The following EFR3A variants were observed in gnomAD, a reference collection of about 807,000 sequenced individuals.
EFR3A encodes protein EFR3 homolog A.
EFR3A carries 76 observed loss-of-function variants against 104.4 expected under a neutral mutation model. That is an observed-to-expected ratio of 0.73 (90% CI 0.60 to 0.88). The LOEUF is 0.88. Ranked by LOEUF, EFR3A falls within the 40% of genes least tolerant of loss-of-function variation. The pLI, the probability that EFR3A is intolerant of heterozygous loss-of-function variation, is 0.00. For synonymous variants in EFR3A, 330 were observed against 330.0 expected (o/e 1.00, Z 0.00); for missense variants, 985 against 1,012.5 (o/e 0.97, Z 0.37).
At chr8:131,942,936 A>G (rs908497074) in intron 2 of EFR3A, among the ~76,000 whole-genome samples, 1 of 152,134 alleles carries the variant, frequency 6.6e-6, no homozygotes, top group Non-Finnish European at 1.5e-5. Context: ...ATAGTGATAA[A>G]AAGCAGAGCA....
intron 15 of EFR3A, 70 bp downstream of exon 15, chr8:131,984,370 C>A: frequency 2.2e-6 from 3 of 1,364,178 alleles, no homozygotes; most frequent in Non-Finnish European, 2.9e-6. Context: ...GAAATGTTGC[C>A]GTTATCCAAG....
chr8:131,946,050 T>A (rs1004401670), intron 3 of EFR3A, among the ~76,000 whole-genome samples: 2 of 152,066 alleles, frequency 1.3e-5, no homozygotes, highest in East Asian at 1.9e-4. Flanking sequence ...ATGAGATTTT[T>A]AAAATAATAT....
chr8:131,950,366 AATCCTGCC>A (rs766589830), intron 5 of EFR3A, among the ~76,000 whole-genome samples: 2 of 152,038 alleles, frequency 1.3e-5, no homozygotes, highest in Non-Finnish European at 2.9e-5. Context: ...CCTTCACTCT[AATCCTGCC>A]ATGTGGATCT....
intron 5 of EFR3A, among the ~76,000 whole-genome samples, chr8:131,952,958 A>G (rs1818781393): frequency 6.6e-6 from 1 of 152,212 alleles, no homozygotes; most frequent in African/African-American, 2.4e-5. Context: ...TAGCAGAAAG[A>G]AAGGAAGTAA....
At chr8:131,961,823 C>T (rs1819355463) in intron 8 of EFR3A, among the ~76,000 whole-genome samples, 3 of 152,202 alleles carry the variant, frequency 2.0e-5, no homozygotes, top group Admixed American at 2.0e-4. Flanking sequence ...GGTCGGGTTA[C>T]CCACAAAGGG....
intron 10 of EFR3A, among the ~76,000 whole-genome samples, chr8:131,975,573 C>T (rs1347560723): frequency 1.3e-5 from 2 of 151,930 alleles, no homozygotes; most frequent in Admixed American, 6.6e-5. Context: ...TGTGCCACCA[C>T]GCCCAGCTAA....
At chr8:131,917,420 G>T (rs1816793474) in intron 1 of EFR3A, among the ~76,000 whole-genome samples, 1 of 152,198 alleles carries the variant, frequency 6.6e-6, no homozygotes, top group African/African-American at 2.4e-5. Context: ...CTGTCCTGAT[G>T]GAGTACAGCA....
At position 131,955,888 on chromosome 8, in the gene EFR3A, T is replaced by C. The variant is rs928212562; in HGVS notation, c.759T>C (p.Ala253=). The change falls in exon 7 of 23, where the codon GCT becomes GCC. Residue 253 remains alanine (A), a synonymous_variant. Coordinates refer to ENST00000254624, the MANE Select transcript of EFR3A (RefSeq NM_015137.6). ...CAACTTTTGGGAATATGAATAATGC[T>C]GTTAGACCAGTTTTTGCGTAAGTAG... ...GRATFGNMNN[A]VRPVFAHLDH... 6.2e-7 allele frequency: 1 copy of C among 1,613,016 alleles called. No individual in the cohort carries two copies. The highest frequency in any genetic ancestry group is 1.3e-5 in the African/African-American group (1 of 75,008).
At chr8:131,954,236 A>G (rs985219984) in intron 6 of EFR3A, among the ~76,000 whole-genome samples, 2 of 152,144 alleles carry the variant, frequency 1.3e-5, no homozygotes, top group Non-Finnish European at 2.9e-5. Flanking sequence ...ACTATTGAAT[A>G]TCCAAATTGC....
intron 1 of EFR3A, among the ~76,000 whole-genome samples, chr8:131,929,736 A>G (rs1041750187): frequency 2.6e-5 from 4 of 152,138 alleles, no homozygotes; most frequent in Non-Finnish European, 4.4e-5. Context: ...CCATTTATGT[A>G]TATTTCTGAG....
intron 14 of EFR3A, among the ~76,000 whole-genome samples, chr8:131,981,197 A>G (rs1820595625): frequency 6.6e-6 from 1 of 152,016 alleles, no homozygotes. Context: ...AATGACATTA[A>G]ACAGTCATGA....
chr8:131,941,190 C>G (rs1818155331), intron 2 of EFR3A, among the ~76,000 whole-genome samples: 1 of 151,936 alleles, frequency 6.6e-6, no homozygotes, highest in African/African-American at 2.4e-5. Flanking sequence ...CAGAGTTTTT[C>G]TTTTTACTTA....
chr8:131,922,142 T>C (rs541762485), intron 1 of EFR3A, among the ~76,000 whole-genome samples: 1 of 152,272 alleles, frequency 6.6e-6, no homozygotes, highest in Non-Finnish European at 1.5e-5. Flanking sequence ...TCCAATCTCT[T>C]CCGCTGTCTT....
At chr8:131,978,115 C>A (rs535585556) in intron 12 of EFR3A, among the ~76,000 whole-genome samples, 114 of 152,214 alleles carry the variant, frequency 7.5e-4, no homozygotes, top group African/African-American at 2.5e-3. Context: ...GTATTCCATA[C>A]ATGTTTATAA....
At position 131,904,362 on chromosome 8, in the gene EFR3A, C is replaced by T. The variant is rs1466385617; in HGVS notation, c.10+40C>T. 11 of 1,244,906 alleles carry T rather than the reference C, an allele frequency of 8.8e-6. No individual in the cohort carries two copies. In the East Asian group the frequency reaches 3.2e-4, roughly 36 times the overall value. The allele number at this position is 1,244,906 out of a possible 1,614,324, so 77.1% of individuals were successfully genotyped here. ...GAGGGCCGGGGGCGTTGGGAGGCGA[C>T]TGCCTGCGCGACGCGCTTGGGCCGG... On this transcript the variant is annotated intron_variant, in intron 1 of 22. Coordinates refer to ENST00000254624, the MANE Select transcript of EFR3A (RefSeq NM_015137.6).
intron 2 of EFR3A, 54 bp downstream of exon 2, chr8:131,940,629 C>G (rs368058481): frequency 2.6e-6 from 4 of 1,562,008 alleles, no homozygotes; most frequent in Non-Finnish European, 3.5e-6. Context: ...TTCTGCCCCC[C>G]GCTGACCTCC....
chr8:131,997,051 ACAT>A (rs1345477050), intron 19 of EFR3A, among the ~76,000 whole-genome samples: 6 of 152,082 alleles, frequency 3.9e-5, no homozygotes, highest in African/African-American at 1.4e-4. Flanking sequence ...CTTATTTAAA[ACAT>A]CATAGATTTC....
intron 1 of EFR3A, among the ~76,000 whole-genome samples, chr8:131,933,010 G>T (rs530534270): frequency 2.6e-5 from 4 of 151,932 alleles, no homozygotes; most frequent in Non-Finnish European, 5.9e-5. Context: ...ATTTCAATGT[G>T]ATAGTACCAT....
chr8:131,993,760 A>G (rs1821332042), intron 18 of EFR3A, among the ~76,000 whole-genome samples: 3 of 152,114 alleles, frequency 2.0e-5, no homozygotes, highest in South Asian at 2.1e-4. Context: ...AAATTTAGCC[A>G]GTTGATTCCA....
Sources: allele counts gnomAD v4.1 joint callset (sites outside exome capture counted in the v4.1 genomes callset), GRCh38; gene constraint gnomAD v4.1.1; transcripts MANE v1.5; gene names NCBI Gene and HGNC (gene_info 2026-07-23, HGNC 2026-07-21).